The following DNAJB1 variants were observed in gnomAD, a reference collection of about 807,000 sequenced individuals.
DNAJB1 encodes DnaJ heat shock protein family (Hsp40) member B1.
In DNAJB1, 14 loss-of-function variants were observed where a neutral mutation model predicts 24.0. That is an observed-to-expected ratio of 0.58 (90% CI 0.39 to 0.91). DNAJB1 has a LOEUF of 0.91. Among genes scored for constraint, DNAJB1 ranks in the 40% least tolerant of loss-of-function variants. The pLI, the probability that DNAJB1 is intolerant of heterozygous loss-of-function variation, is 0.00. For synonymous variants in DNAJB1, 262 were observed against 174.4 expected (o/e 1.50, Z -3.96); for missense variants, 517 against 458.1 (o/e 1.13, Z -1.17).
At chr19:14,521,321 C>T (rs535482504), upstream of DNAJB1, among the ~76,000 whole-genome samples, 8 of 151,892 alleles carry the variant, frequency 5.3e-5, no homozygotes, top group Admixed American at 2.6e-4. Context: ...TAGTCGGGTG[C>T]GGTGGCAGGT....
At chr19:14,556,413 A>AAAAAAAAAC (rs142293376) in intron 1 of DNAJB1, among the ~76,000 whole-genome samples, 1 of 86,514 alleles carries the variant, frequency 1.2e-5, no homozygotes, top group Admixed American at 1.2e-4. Flanking sequence ...TCTCTCAAAA[A>AAAAAAAAAC]AAAAACAAAA....
At chr19:14,537,944 C>T (rs1457601152) in intron 1 of DNAJB1, among the ~76,000 whole-genome samples, 1 of 151,996 alleles carries the variant, frequency 6.6e-6, no homozygotes, top group African/African-American at 2.4e-5. Context: ...TGGGGTTTCA[C>T]CATGTTGGCC....
At chr19:14,544,718 C>T (rs905525859) in intron 1 of DNAJB1, among the ~76,000 whole-genome samples, 1 of 151,464 alleles carries the variant, frequency 6.6e-6, no homozygotes, top group African/African-American at 2.4e-5. Flanking sequence ...CCTGCAACTC[C>T]AACTCCTGGG....
Position 14,516,095 on chromosome 19 carries a change from T to C in DNAJB1, c.868A>G (p.Arg290Gly). The C allele has an allele frequency of 5.6e-6, 9 of 1,613,912 alleles. No homozygotes were observed. Among genetic ancestry groups the C allele is most frequent in the Non-Finnish European group, 7.6e-6 (9 of 1,179,956 alleles). Residue 290 changes from arginine to glycine, a missense_variant, in exon 3 of 3, where the codon AGG (arginine) becomes GGG (glycine). Arg to Gly is a moderately radical substitution (Grantham distance 125). Transcript: ENST00000254322. ...TIPVVFKDVI[R>G]PGMRRKVPGE... ...GGAACTTTTCGCCGCATGCCAGGCC[T>C]GATAACATCTTTGAATACGACGGGT...
chr19:14,542,507 A>G (rs1223432557), intron 1 of DNAJB1, among the ~76,000 whole-genome samples: 12 of 151,408 alleles, frequency 7.9e-5, no homozygotes, highest in African/African-American at 2.9e-4. Context: ...GATTACAGGC[A>G]TCCACCACCA....
upstream of DNAJB1, chr19:14,529,554 G>A: frequency 1.6e-6 from 2 of 1,289,628 alleles, no homozygotes; most frequent in Non-Finnish European, 2.2e-6. Context: ...GGCCGACGGG[G>A]CGCGCGCGGC....
upstream of DNAJB1, among the ~76,000 whole-genome samples, chr19:14,553,683 C>T (rs759929350): frequency 4.6e-5 from 7 of 152,230 alleles, no homozygotes; most frequent in South Asian, 2.1e-4. Flanking sequence ...ATGAATGTGC[C>T]GGAGTCTCTG....
At chr19:14,518,510 G>A (rs1484193346), upstream of DNAJB1, 28 of 494,374 alleles carry the variant, frequency 5.7e-5, no homozygotes, top group Non-Finnish European at 2.4e-5. Flanking sequence ...GCCAATCGCC[G>A]CCGCCCTTTC....
exon 1 of DNAJB1, among the ~76,000 whole-genome samples, chr19:14,560,064 G>C (rs1215628908): frequency 6.6e-6 from 1 of 152,138 alleles, no homozygotes; most frequent in East Asian, 1.9e-4. Context: ...CTCTCCTTGG[G>C]CCTCAGGCTG....
intron 1 of DNAJB1, among the ~76,000 whole-genome samples, chr19:14,559,023 C>T (rs1396976448): frequency 2.6e-5 from 4 of 152,140 alleles, no homozygotes; most frequent in African/African-American, 9.7e-5. Context: ...ATTGGGGTGG[C>T]AGTGGGGTGT....
intron 1 of DNAJB1, 68 bp from the exon 2 acceptor site, chr19:14,517,114 G>A: frequency 1.3e-6 from 2 of 1,505,376 alleles, no homozygotes; most frequent in Non-Finnish European, 1.8e-6. Flanking sequence ...TCCCTTACAG[G>A]GGGAAACAGC....
intron 1 of DNAJB1, among the ~76,000 whole-genome samples, chr19:14,547,732 C>G (rs1308172249): frequency 6.7e-6 from 1 of 149,378 alleles, no homozygotes; most frequent in African/African-American, 2.5e-5. Flanking sequence ...TATTATAGTT[C>G]ACTGCAGCTT....
chr19:14,539,611 T>C (rs2073026604), intron 1 of DNAJB1, among the ~76,000 whole-genome samples: 2 of 152,140 alleles, frequency 1.3e-5, no homozygotes, highest in African/African-American at 4.8e-5. Context: ...ATCTGTCCCC[T>C]GCTTTCCTCA....
At chr19:14,559,794 A>G (rs2073850145) in intron 1 of DNAJB1, among the ~76,000 whole-genome samples, 1 of 152,062 alleles carries the variant, frequency 6.6e-6, no homozygotes, top group Non-Finnish European at 1.5e-5. Flanking sequence ...CTCAAAAAAA[A>G]AAAAAAATTA....
chr19:14,558,993 G>C (rs970438255), intron 1 of DNAJB1, among the ~76,000 whole-genome samples: 3 of 152,200 alleles, frequency 2.0e-5, no homozygotes, highest in Non-Finnish European at 4.4e-5. Context: ...GTGTGTGTGT[G>C]TGGCAGGCAC....
upstream of DNAJB1, among the ~76,000 whole-genome samples, chr19:14,521,088 A>C (rs1424311465): frequency 1.3e-5 from 2 of 152,188 alleles, no homozygotes; most frequent in Non-Finnish European, 2.9e-5. Flanking sequence ...ATATAAATTT[A>C]ATTTAGAATT....
At chr19:14,535,572 ATATATATATATATATATGTATGTATATAT>A (rs2072863250) in intron 1 of DNAJB1, among the ~76,000 whole-genome samples, 1 of 31,742 alleles carries the variant, frequency 3.2e-5, no homozygotes, top group East Asian at 7.2e-4. Flanking sequence ...ATATATATAT[ATATATATATATATATATGTATGTATATAT>A]AAATTAGCCA....
chr19:14,519,767 T>G (rs1373680756), upstream of DNAJB1, among the ~76,000 whole-genome samples: 1 of 152,084 alleles, frequency 6.6e-6, no homozygotes, highest in Non-Finnish European at 1.5e-5. Context: ...ACCTTTATAA[T>G]TTGGGGGGAC....
chr19:14,533,522 T>C (rs1279345554), upstream of DNAJB1, among the ~76,000 whole-genome samples: 4 of 152,130 alleles, frequency 2.6e-5, no homozygotes, highest in East Asian at 7.7e-4. Context: ...TGGAGAGACC[T>C]TGGAGATTAT....
Sources: allele counts gnomAD v4.1 joint callset (sites outside exome capture counted in the v4.1 genomes callset), GRCh38; gene constraint gnomAD v4.1.1; transcripts MANE v1.5; gene names NCBI Gene and HGNC (gene_info 2026-07-23, HGNC 2026-07-21).